The following ADAMTS20 variants were observed in gnomAD, a reference collection of about 807,000 sequenced individuals.
The protein encoded by ADAMTS20 is A disintegrin and metalloproteinase with thrombospondin motifs 20.
ADAMTS20 carries 225 observed loss-of-function variants against 260.1 expected under a neutral mutation model. That is an observed-to-expected ratio of 0.87 (90% confidence interval 0.78 to 0.97). ADAMTS20 has a LOEUF of 0.97. Ranked by LOEUF, ADAMTS20 falls within the 50% of genes least tolerant of loss-of-function variation. The pLI is 0.00. For missense variants in ADAMTS20, 2,400 were observed against 2,337.7 expected (o/e 1.03, Z -0.55); for synonymous variants, 802 against 769.5 (o/e 1.04, Z -0.70).
intron 38 of ADAMTS20, among the ~76,000 whole-genome samples, chr12:43,355,046 C>T (rs1939714460): frequency 2.0e-5 from 3 of 152,094 alleles, no homozygotes; most frequent in Non-Finnish European, 2.9e-5. Flanking sequence ...GGTTGAACTC[C>T]TATCATATCT....
intron 2 of ADAMTS20, among the ~76,000 whole-genome samples, chr12:43,536,064 A>T (rs1227520230): frequency 6.6e-6 from 1 of 152,038 alleles, no homozygotes; most frequent in Non-Finnish European, 1.5e-5. Flanking sequence ...GAGATCAGAC[A>T]TTATTCATTT....
At chr12:43,478,216 A>G (rs894007415) in intron 7 of ADAMTS20, among the ~76,000 whole-genome samples, 5 of 152,112 alleles carry the variant, frequency 3.3e-5, no homozygotes, top group African/African-American at 1.2e-4. Context: ...ATAAGAACTA[A>G]GTAGTATCTT....
chr12:43,382,956 AT>A (rs1489861724), intron 31 of ADAMTS20, among the ~76,000 whole-genome samples: 1 of 151,930 alleles, frequency 6.6e-6, no homozygotes, highest in Non-Finnish European at 1.5e-5. Flanking sequence ...ACCTGATCAA[AT>A]CTCAAAATAC....
intron 28 of ADAMTS20, among the ~76,000 whole-genome samples, chr12:43,403,120 G>A (rs1402218503): frequency 1.3e-5 from 2 of 152,086 alleles, no homozygotes; most frequent in Admixed American, 6.6e-5. Context: ...GAGAGCTGAA[G>A]TTAATTAGTC....
Position 43,366,146 on chromosome 12 carries a change from G to C in ADAMTS20, c.5538+3144C>G, listed in dbSNP as rs976957667. 1.3e-4 allele frequency among the ~76,000 whole-genome samples: 20 copies of C among 151,892 alleles called. 1 individual carries two copies. The highest frequency in any genetic ancestry group is 8.3e-4 in the South Asian group (4 of 4,824). On this transcript the variant is annotated intron_variant, in intron 37 of 38. Transcript: ENST00000389420. ...GATATAAATAAGTTGAAAGTAAAGG[G>C]ATGAAAATATATATAGCAATTCTAA...
Position 43,460,964 on chromosome 12 carries a change from T to TTATA in ADAMTS20, c.1614+1927_1614+1930dup, listed in dbSNP as rs1162338659. 7.4e-4 allele frequency among the ~76,000 whole-genome samples: 43 copies of TTATA among 58,024 alleles called. 1 individual carries two copies. Among genetic ancestry groups the TTATA allele is most frequent in the African/African-American group, 2.3e-3 (34 of 14,970 alleles). 38.1% of individuals were successfully genotyped at this position (58,024 alleles called of 152,430 possible). On this transcript the variant is annotated intron_variant, in intron 11 of 38. Transcript: ENST00000389420. ...TGCCTAGATAAGAGGCACAACTAAATTATATATATATATATATATATATAT... is the reference window on the plus strand; with the variant it reads ...TGCCTAGATAAGAGGCACAACTAAATTATATATATATATATATATATATATATAT...
At chr12:43,547,701 AG>A (rs76040615) in intron 2 of ADAMTS20, among the ~76,000 whole-genome samples, 20,945 of 152,152 alleles carry the variant, frequency 0.14, 1,938 homozygotes, top group African/African-American at 0.26. Context: ...GTGATGCAGC[AG>A]GACTTTGTAT....
chr12:43,425,513 C>A lies in ADAMTS20; in HGVS notation c.4284+1G>T. The A allele has an allele frequency of 6.6e-7, 1 of 1,504,078 alleles. No individual in the cohort carries two copies. Among genetic ancestry groups the A allele is most frequent in the Non-Finnish European group, 9.0e-7 (1 of 1,114,168 alleles). 93.2% of individuals were successfully genotyped at this position (1,504,078 alleles called of 1,614,324 possible). A position where few individuals can be genotyped will look rare whatever the true frequency, so the allele number is the denominator to read the frequency against. ...GTTAACAGACAAGAGTGCTATCATA[C>A]CGATGTCCATGGTTCCTGATGCCAT... is the stretch of plus-strand genomic sequence containing the variant. On this transcript the variant is annotated splice_donor_variant, in intron 28 of 38. Transcript: ENST00000389420. LOFTEE classifies it high-confidence loss of function.
Position 43,376,118 on chromosome 12 carries a change from G to C in ADAMTS20, c.5251C>G (p.Pro1751Ala), listed in dbSNP as rs199801998. ...TGGACCAGTGTTAAATATTCCTTAG[G>C]GTTCTCCAAGTACATGTCTGCACAA... is the stretch of plus-strand genomic sequence containing the variant. ...IYCADMYLEN[P>A]KEYLTLVQGE... Residue 1751 changes from proline to alanine, a missense_variant, in exon 35 of 39, where the codon CCT (proline) becomes GCT (alanine). Transcript: ENST00000389420. 3.4e-4 allele frequency: 541 copies of C among 1,609,506 alleles called. No individual in the cohort carries two copies. Among genetic ancestry groups the C allele is most frequent in the Non-Finnish European group, 4.4e-4 (524 of 1,178,088 alleles).
At chr12:43,479,282 C>T (rs1174110964) in intron 7 of ADAMTS20, among the ~76,000 whole-genome samples, 2 of 152,212 alleles carry the variant, frequency 1.3e-5, no homozygotes, top group African/African-American at 4.8e-5. Context: ...TAGAGATATA[C>T]TTCATGTTTC....
intron 37 of ADAMTS20, among the ~76,000 whole-genome samples, chr12:43,365,965 GAGGA>G (rs1018621500): frequency 4.0e-4 from 61 of 151,756 alleles, no homozygotes; most frequent in Non-Finnish European, 1.0e-4. Context: ...AAGCAGTAAG[GAGGA>G]ACAGTTGAAC....
rs1194523059 is a variant in ADAMTS20, at chr12:43,383,680, T to G, written c.4675A>C (p.Thr1559Pro). The part of the protein sequence containing the change: ...RKDSHQRMEC[T>P]DNQIRQVNEI... ...TTCACTTGTCTGATTTGGTTATCTG[T>G]GCACTCCATTCGTTGATGTGAATCT... The change falls in exon 31 of 39, where the codon ACA (threonine) becomes CCA (proline). Residue 1559 changes from threonine (T) to proline (P), a missense_variant. Physicochemically the swap from Thr to Pro is conservative, Grantham distance 38. Transcript: ENST00000389420. 6.2e-7 allele frequency: 1 copy of G among 1,613,986 alleles called. No homozygotes were observed. Among genetic ancestry groups the G allele is most frequent in the Admixed American group, 1.7e-5 (1 of 60,018 alleles).
chr12:43,456,485 T>C (rs559010877), intron 11 of ADAMTS20, among the ~76,000 whole-genome samples: 4 of 152,300 alleles, frequency 2.6e-5, no homozygotes, highest in African/African-American at 7.2e-5. Flanking sequence ...CCCCGCCCCA[T>C]GAGGAATATA....
intron 3 of ADAMTS20, among the ~76,000 whole-genome samples, chr12:43,513,609 C>T (rs1942954767): frequency 6.6e-6 from 1 of 152,078 alleles, no homozygotes; most frequent in Non-Finnish European, 1.5e-5. Context: ...AACACATGTA[C>T]ACGTATGTTT....
At chr12:43,372,435 T>A (rs1157737443) in intron 36 of ADAMTS20, among the ~76,000 whole-genome samples, 1 of 152,170 alleles carries the variant, frequency 6.6e-6, no homozygotes, top group Non-Finnish European at 1.5e-5. Context: ...GACTGTTTCC[T>A]GGAAGTGACA....
Position 43,551,709 on chromosome 12 carries a change from C to T in ADAMTS20, c.91+122G>A. The T allele has an allele frequency of 9.8e-7, 1 of 1,024,994 alleles. No individual in the cohort carries two copies. The highest frequency in any genetic ancestry group is 1.5e-6 in the Non-Finnish European group (1 of 687,048). 63.5% of individuals were successfully genotyped at this position (1,024,994 alleles called of 1,614,324 possible). On this transcript the variant is annotated intron_variant, in intron 1 of 38. Coordinates refer to ENST00000389420, the MANE Select transcript of ADAMTS20 (RefSeq NM_025003.5). The surrounding 1 kb of genome is among the most constrained non-coding windows in gnomAD (Gnocchi z 4.6). Reference sequence around the variant, plus strand: ...CTCCGGCTGACTGGTCCGGGAGTCCCGGGAGCTCCAGCAGGGCCAGCGTTC... The same window carrying T: ...CTCCGGCTGACTGGTCCGGGAGTCCTGGGAGCTCCAGCAGGGCCAGCGTTC...
At chr12:43,418,106 A>G (rs1941165371) in intron 28 of ADAMTS20, among the ~76,000 whole-genome samples, 1 of 152,192 alleles carries the variant, frequency 6.6e-6, no homozygotes, top group Non-Finnish European at 1.5e-5. Context: ...AAGATGAATT[A>G]CCAATTTTTA....
At chr12:43,534,789 T>C (rs994064701) in intron 2 of ADAMTS20, among the ~76,000 whole-genome samples, 1 of 152,146 alleles carries the variant, frequency 6.6e-6, no homozygotes, top group African/African-American at 2.4e-5. Context: ...TAAAACTAAA[T>C]ATTTCTATTT....
intron 14 of ADAMTS20, among the ~76,000 whole-genome samples, chr12:43,447,710 G>A (rs1240680048): frequency 6.6e-6 from 1 of 152,014 alleles, no homozygotes; most frequent in Non-Finnish European, 1.5e-5. Context: ...AATCCCTGCT[G>A]GCTGATGACA....
Sources: allele counts gnomAD v4.1 joint callset (sites outside exome capture counted in the v4.1 genomes callset), GRCh38; gene constraint gnomAD v4.1.1; non-coding constraint Gnocchi (gnomAD v3.1); transcripts MANE v1.5; gene names NCBI Gene and HGNC (gene_info 2026-07-23, HGNC 2026-07-21).